The following SHOC2 variants were observed in gnomAD, a reference collection of about 807,000 sequenced individuals.
SHOC2 encodes SHOC2 leucine rich repeat scaffold protein.
In SHOC2, 4 loss-of-function variants were observed where a neutral mutation model predicts 50.2. The ratio of observed to expected loss-of-function variants is 0.08; its 90% CI spans 0.04 to 0.18. SHOC2 has a LOEUF of 0.18. SHOC2 is among the 10% of genes least tolerant of loss of function. The pLI is 1.00. For missense variants in SHOC2, 388 were observed against 669.6 expected (o/e 0.58, Z 4.64); for synonymous variants, 218 against 244.5 (o/e 0.89, Z 1.01).
chr10:110,971,944 A>T (rs117188530), intron 2 of SHOC2, among the ~76,000 whole-genome samples: 1,835 of 151,926 alleles, frequency 0.012, 18 homozygotes, highest in Non-Finnish European at 0.02. Flanking sequence ...ATATAAAAGC[A>T]TATTGAACAG....
At chr10:110,937,029 G>T (rs547155776) in intron 1 of SHOC2, 1 of 1,481,034 alleles carries the variant, frequency 6.8e-7, no homozygotes, top group South Asian at 1.1e-5. Context: ...TGGTAGGGGC[G>T]TCGGAAAGGG....
At chr10:110,971,247 C>T (rs976640939) in intron 2 of SHOC2, among the ~76,000 whole-genome samples, 13 of 152,170 alleles carry the variant, frequency 8.5e-5, no homozygotes, top group Non-Finnish European at 1.8e-4. Context: ...AGATAGGGGT[C>T]TAGTTTCATT....
chr10:111,002,649 C>T (rs969302704), intron 4 of SHOC2, among the ~76,000 whole-genome samples: 1 of 151,896 alleles, frequency 6.6e-6, no homozygotes, highest in African/African-American at 2.4e-5. Flanking sequence ...ATATTTTTGG[C>T]CAAATTTGTT....
chr10:110,933,674 C>G (rs940703018), intron 1 of SHOC2, among the ~76,000 whole-genome samples: 9 of 152,134 alleles, frequency 5.9e-5, no homozygotes, highest in African/African-American at 2.2e-4. Context: ...TGGCATGCAC[C>G]TGTAGTCCCA....
intron 8 of SHOC2, 82 bp downstream of exon 8, chr10:111,009,912 A>G: frequency 2.4e-6 from 2 of 836,470 alleles, no homozygotes; most frequent in Non-Finnish European, 4.1e-6. Context: ...AATATGACAA[A>G]TCTATTGTTT....
intron 3 of SHOC2, among the ~76,000 whole-genome samples, chr10:110,988,310 A>C (rs1848119001): frequency 6.6e-6 from 1 of 152,120 alleles, no homozygotes; most frequent in Non-Finnish European, 1.5e-5. Flanking sequence ...AAAATTCACC[A>C]GTGAAGCCAT....
intron 3 of SHOC2, 110 bp downstream of exon 3, chr10:110,985,875 AC>A: frequency 1.1e-6 from 1 of 902,524 alleles, no homozygotes; most frequent in South Asian, 1.4e-5. Context: ...ATTCACAATT[AC>A]CAAAGTTGTA....
intron 1 of SHOC2, among the ~76,000 whole-genome samples, chr10:110,956,779 GAAA>G (rs1258049295): frequency 6.6e-6 from 1 of 150,732 alleles, no homozygotes; most frequent in African/African-American, 2.4e-5. Flanking sequence ...AGAAATAAAA[GAAA>G]AAATAAATGA....
chr10:111,011,403 A>T (rs1848563150), intron 8 of SHOC2, among the ~76,000 whole-genome samples: 1 of 152,162 alleles, frequency 6.6e-6, no homozygotes, highest in East Asian at 1.9e-4. Flanking sequence ...TGTGACCTGG[A>T]CATATAGGAG....
At chr10:111,004,915 G>A (rs1848440897) in intron 5 of SHOC2, 121 bp downstream of exon 5, 1 of 712,298 alleles carries the variant, frequency 1.4e-6, no homozygotes, top group Admixed American at 2.0e-5. Flanking sequence ...GGTCTAAACT[G>A]ATCATAAGAC....
At position 110,989,362 on chromosome 10, in the gene SHOC2, C is replaced by G. The variant is rs142414270; in HGVS notation, c.841+3597C>G. 3.2e-3 allele frequency among the ~76,000 whole-genome samples: 485 copies of G among 152,256 alleles called. 26 individuals are homozygous for G. The South Asian group carries it at 0.092, about 29-fold the overall frequency. ...TTAGTCTTAATGTTTATCAGCAGTC[C>G]TGTTGCCATAGTTGCCTCAGTCATT... On this transcript the variant is annotated intron_variant, in intron 3 of 8. Coordinates refer to ENST00000369452, the MANE Select transcript of SHOC2 (RefSeq NM_007373.4).
At position 110,992,328 on chromosome 10, in the gene SHOC2, C is replaced by T. The variant is rs963543379; in HGVS notation, c.841+6563C>T. On this transcript the variant is annotated intron_variant, in intron 3 of 8. Transcript: ENST00000369452. Reference sequence around the variant, plus strand: ...TTTCTCTGATTTAACTGTTAGTCTGCCTTGTTGAATAAAAAAAGTATTATT... The same window carrying T: ...TTTCTCTGATTTAACTGTTAGTCTGTCTTGTTGAATAAAAAAAGTATTATT... Among the ~76,000 whole-genome samples the T allele has an allele frequency of 4.6e-5, 7 of 152,090 alleles. No individual in the cohort carries two copies. In the East Asian group the frequency reaches 1.2e-3, roughly 25 times the overall value.
chr10:110,954,989 T>A (rs955943173), intron 1 of SHOC2, among the ~76,000 whole-genome samples: 2 of 152,198 alleles, frequency 1.3e-5, no homozygotes, highest in African/African-American at 4.8e-5. Flanking sequence ...TATGTTAATT[T>A]TGAGATTTAA....
chr10:110,964,306 A>T lies in SHOC2; in HGVS notation c.-53A>T. On this transcript the variant is annotated 5_prime_UTR_variant, in exon 2 of 9. Transcript: ENST00000369452. The surrounding 1 kb of genome is among the most constrained non-coding windows in gnomAD (Gnocchi z 4.9). ...CTTTGTCTCTTCATCTTTGAATTCA[A>T]TTACTGGAAAATAAAAGGAGTTCAT... is the stretch of plus-strand genomic sequence containing the variant. 2 of 1,587,546 alleles carry T rather than the reference A, an allele frequency of 1.3e-6. No individual in the cohort carries two copies. Among genetic ancestry groups the T allele is most frequent in the Non-Finnish European group, 1.7e-6 (2 of 1,167,448 alleles).
intron 2 of SHOC2, among the ~76,000 whole-genome samples, chr10:110,976,393 C>G (rs913942898): frequency 2.0e-5 from 3 of 151,610 alleles, no homozygotes; most frequent in Non-Finnish European, 4.4e-5. Flanking sequence ...CTCACTGCAG[C>G]CTCGACCTCC....
At chr10:110,989,126 A>G (rs765363270) in intron 3 of SHOC2, 40 of 461,432 alleles carry the variant, frequency 8.7e-5, no homozygotes, top group Admixed American at 5.0e-4. Flanking sequence ...TTCTTTCATC[A>G]TGGTAAAAGT....
At chr10:111,001,213 A>C (rs1323669237) in intron 4 of SHOC2, among the ~76,000 whole-genome samples, 8 of 147,258 alleles carry the variant, frequency 5.4e-5, no homozygotes, top group East Asian at 2.0e-4. Flanking sequence ...GCTGGAGTGC[A>C]ATGGCGCGAT....
chr10:111,000,008 G>A (rs957237519), intron 3 of SHOC2, among the ~76,000 whole-genome samples: 4 of 151,970 alleles, frequency 2.6e-5, no homozygotes, highest in Admixed American at 1.3e-4. Context: ...CCAAAATTAC[G>A]TGTACATACT....
intron 6 of SHOC2, among the ~76,000 whole-genome samples, chr10:111,008,866 T>C (rs1203056584): frequency 6.6e-6 from 1 of 152,074 alleles, no homozygotes; most frequent in African/African-American, 2.4e-5. Flanking sequence ...CCACAGATAA[T>C]AAATAGAGTG....
Sources: allele counts gnomAD v4.1 joint callset (sites outside exome capture counted in the v4.1 genomes callset), GRCh38; gene constraint gnomAD v4.1.1; non-coding constraint Gnocchi (gnomAD v3.1); transcripts MANE v1.5; gene names NCBI Gene and HGNC (gene_info 2026-07-23, HGNC 2026-07-21).